Variants in CACNG7 observed in about 807,000 individuals in gnomAD.
CACNG7 encodes the protein voltage-dependent calcium channel gamma-7 subunit.
CACNG7 carries 9 observed loss-of-function variants against 26.3 expected under a neutral mutation model. The ratio of observed to expected loss-of-function variants is 0.34; its 90% CI spans 0.21 to 0.60. The LOEUF (loss-of-function observed/expected upper bound fraction) is 0.60. Ranked by LOEUF, CACNG7 falls within the 20% of genes least tolerant of loss-of-function variation. The pLI is 0.81. For synonymous variants in CACNG7, 170 were observed against 157.0 expected (o/e 1.08, Z -0.62); for missense variants, 297 against 380.4 (o/e 0.78, Z 1.82).
rs755702985 is a variant in CACNG7 at position 53,915,496 on chromosome 19, A to G, written c.415A>G (p.Ile139Val). 3 of 1,613,988 alleles carry G rather than the reference A, an allele frequency of 1.9e-6. No homozygotes were observed. The highest frequency in any genetic ancestry group is 2.5e-6 in the Non-Finnish European group (3 of 1,179,994). ...ILAFVSGIFF[I>V]LSGLSLVVGL... The stretch of plus-strand genomic sequence containing the variant: ...GGCTTTTGTCTCTGGCATCTTCTTC[A>G]TACTATCGGGTGAGCCTAAGGACTT... Residue 139 changes from isoleucine (I) to valine (V), a missense_variant, in exon 4 of 6, where the codon ATA becomes GTA. Ile to Val is a conservative substitution (Grantham distance 29, BLOSUM62 3). Coordinates refer to ENST00000391767, the MANE Select transcript of CACNG7 (RefSeq NM_031896.5).
In CACNG7 at chr19:53,939,718, C is replaced by T. The variant is rs1320407014; in HGVS notation, c.425-1752C>T. 6.6e-6 allele frequency among the ~76,000 whole-genome samples: 1 copy of T among 152,168 alleles called. No individual in the cohort carries two copies. The highest frequency in any genetic ancestry group is 1.5e-5 in the Non-Finnish European group (1 of 68,038). On this transcript the variant is annotated intron_variant, in intron 4 of 5. Transcript: ENST00000391767. This position sits in a 1 kb window ranked among gnomAD's most constrained non-coding sequence, Gnocchi z 4.2. ...CTGTTTCCGCTTTTTGGCTATTACGCATAACGCTGTTACAAACATCCGTGT... is the reference window on the plus strand; with the variant it reads ...CTGTTTCCGCTTTTTGGCTATTACGTATAACGCTGTTACAAACATCCGTGT...
intron 4 of CACNG7, among the ~76,000 whole-genome samples, chr19:53,938,805 G>A (rs745611989): frequency 1.6e-4 from 25 of 151,782 alleles, no homozygotes; most frequent in Admixed American, 5.9e-4. Context: ...AAAATTAGCC[G>A]GGCGTGGTGG....
intron 4 of CACNG7, among the ~76,000 whole-genome samples, chr19:53,930,758 G>A (rs1026326207): frequency 6.6e-6 from 1 of 150,480 alleles, no homozygotes; most frequent in African/African-American, 2.5e-5. Flanking sequence ...TCTGCCCTCA[G>A]CCTCCCAAAG....
chr19:53,939,937 T>G lies in CACNG7; in HGVS notation c.425-1533T>G, dbSNP rs1339568853. 4.6e-5 allele frequency among the ~76,000 whole-genome samples: 7 copies of G among 152,230 alleles called. No individual in the cohort carries two copies. The highest frequency in any genetic ancestry group is 1.3e-4 in the Admixed American group (2 of 15,278). ...TCATTTACTTATGTGAAAGCCATTC[T>G]TAGCTGGTGGGCCATACACAATGAG... is the stretch of plus-strand genomic sequence containing the variant. On this transcript the variant is annotated intron_variant, in intron 4 of 5. Coordinates refer to ENST00000391767, the MANE Select transcript of CACNG7 (RefSeq NM_031896.5). This position sits in a 1 kb window ranked among gnomAD's most constrained non-coding sequence, Gnocchi z 4.2.
chr19:53,915,239 G>A, intron 3 of CACNG7, 126 bp from the exon 4 acceptor site: 1 of 668,360 alleles, frequency 1.5e-6, no homozygotes, highest in Non-Finnish European at 2.6e-6. Context: ...GGAAGGGGAG[G>A]AGTCAGTAAG....
intron 4 of CACNG7, among the ~76,000 whole-genome samples, chr19:53,921,391 T>G (rs1328404313): frequency 1.4e-5 from 2 of 141,990 alleles, no homozygotes; most frequent in Non-Finnish European, 1.5e-5. Flanking sequence ...TTGGTGGAGT[T>G]GCCCCAGGTC....
chr19:53,917,034 G>C (rs2068903387), intron 4 of CACNG7, among the ~76,000 whole-genome samples: 1 of 152,060 alleles, frequency 6.6e-6, no homozygotes, highest in South Asian at 2.1e-4. Flanking sequence ...CTGGCCTCAA[G>C]TGATCCTCCT....
At chr19:53,915,194 C>T (rs2068887804) in intron 3 of CACNG7, among the ~76,000 whole-genome samples, 171 bp from the exon 4 acceptor site, 2 of 151,146 alleles carry the variant, frequency 1.3e-5, no homozygotes, top group Non-Finnish European at 2.9e-5. Flanking sequence ...TTGTGTCTGC[C>T]GAGGAAATAT....
chr19:53,914,956 T>G (rs2068885552), intron 3 of CACNG7, among the ~76,000 whole-genome samples: 1 of 149,996 alleles, frequency 6.7e-6, no homozygotes. Flanking sequence ...GAGCCAAGAT[T>G]TCACCACTGC....
chr19:53,909,445 CG>C lies in CACNG7; in HGVS notation c.-97del. 1 of 149,606 alleles carries C rather than the reference CG, an allele frequency of 6.7e-6. No homozygotes were observed. Among genetic ancestry groups the C allele is most frequent in the South Asian group, 1.8e-4 (1 of 5,478 alleles). The allele number at this position is 149,606 out of a possible 1,614,324, so 9.3% of individuals were successfully genotyped here. On this transcript the variant is annotated 5_prime_UTR_variant, in exon 1 of 6. Transcript: ENST00000391767. The surrounding 1 kb of genome is among the most constrained non-coding windows in gnomAD (Gnocchi z 5.1). Reference sequence around the variant, plus strand: ...CGACCCCGGTGGCGGCGGCGGCGGCCGGGGGAAGCCTCGGGGCCGGTCATGC... The same window carrying C: ...CGACCCCGGTGGCGGCGGCGGCGGCCGGGGAAGCCTCGGGGCCGGTCATGC...
intron 4 of CACNG7, among the ~76,000 whole-genome samples, chr19:53,938,215 G>A (rs1248188405): frequency 6.6e-6 from 1 of 152,112 alleles, no homozygotes; most frequent in African/African-American, 2.4e-5. Flanking sequence ...CCGCATGGTG[G>A]TGCATGCCTG....
chr19:53,921,376 G>C (rs2068949608), intron 4 of CACNG7, among the ~76,000 whole-genome samples: 1 of 145,106 alleles, frequency 6.9e-6, no homozygotes, highest in Non-Finnish European at 1.5e-5. Flanking sequence ...CCCCAGGTCT[G>C]GTCATTGGTG....
rs1051790385 is a variant in CACNG7 at position 53,912,605 on chromosome 19, T to A, written c.-29-198T>A. 5.6e-6 allele frequency: 3 copies of A among 533,068 alleles called. No individual in the cohort carries two copies. Among genetic ancestry groups the A allele is most frequent in the Admixed American group, 3.5e-5 (1 of 28,956 alleles). 33.0% of individuals were successfully genotyped at this position (533,068 alleles called of 1,614,324 possible). A position where few individuals can be genotyped will look rare whatever the true frequency, so the allele number is the denominator to read the frequency against. On this transcript the variant is annotated intron_variant, in intron 1 of 5. Transcript: ENST00000391767. The surrounding 1 kb of genome is among the most constrained non-coding windows in gnomAD (Gnocchi z 4.6). The stretch of plus-strand genomic sequence containing the variant: ...GCAGCAGGTTTGGGGAGCCCAGCCC[T>A]GAGGCTGAGGCTCAACAGTTGGTGT...
chr19:53,926,051 G>A (rs1311384923), intron 4 of CACNG7, among the ~76,000 whole-genome samples: 1 of 152,128 alleles, frequency 6.6e-6, no homozygotes, highest in African/African-American at 2.4e-5. Context: ...CAGATGTCCT[G>A]TATACCAGGC....
At chr19:53,924,327 G>T (rs2069001792) in intron 4 of CACNG7, among the ~76,000 whole-genome samples, 1 of 147,386 alleles carries the variant, frequency 6.8e-6, no homozygotes, top group African/African-American at 2.5e-5. Context: ...CTGGTCATTG[G>T]TGGACTTGCC....
intron 4 of CACNG7, among the ~76,000 whole-genome samples, chr19:53,919,539 C>T (rs1375100621): frequency 5.8e-5 from 8 of 137,582 alleles, no homozygotes; most frequent in Non-Finnish European, 1.1e-4. Flanking sequence ...TGCCTCAGGT[C>T]TGGTCATTGG....
intron 4 of CACNG7, among the ~76,000 whole-genome samples, chr19:53,932,036 C>T (rs1352417196): frequency 6.6e-6 from 1 of 151,670 alleles, no homozygotes; most frequent in African/African-American, 2.4e-5. Context: ...GCTGGGATTA[C>T]AGGCGTGAGC....
intron 1 of CACNG7, among the ~76,000 whole-genome samples, chr19:53,910,674 G>T (rs941573410): frequency 3.9e-5 from 6 of 152,090 alleles, no homozygotes; most frequent in African/African-American, 1.4e-4. Context: ...AATCTTGCAG[G>T]GGTCGGGGGA....
intron 4 of CACNG7, among the ~76,000 whole-genome samples, chr19:53,921,838 T>TTGGTGGAGTTGTCCCAGGCTGGTCAC (rs1289387531): frequency 2.0e-5 from 2 of 100,302 alleles, no homozygotes; most frequent in East Asian, 2.4e-4. Flanking sequence ...GGTCTGGTCA[T>TTGGTGGAGTTGTCCCAGGCTGGTCAC]TGGTGGAGTT....
Sources: gnomAD v4.1 joint callset for allele counts (sites outside exome capture counted in the v4.1 genomes callset) on GRCh38, gnomAD v4.1.1 for gene constraint, Gnocchi (gnomAD v3.1) non-coding constraint, MANE v1.5 for transcripts, NCBI Gene and HGNC (gene_info 2026-07-23, HGNC 2026-07-21) for gene names.